The following TXNL4B variants were observed in gnomAD, a reference collection of about 807,000 sequenced individuals.
The protein encoded by TXNL4B is thioredoxin like 4B, also known as thioredoxin-like protein 4B.
Under a neutral mutation model 13.0 loss-of-function variants are expected in TXNL4B, and 12 were observed. The observed-to-expected ratio is 0.92, with a 90% CI of 0.59 to 1.49. The LOEUF (loss-of-function observed/expected upper bound fraction) is 1.49, where lower values mean the gene tolerates loss of function less well. TXNL4B is among the 40% of genes most tolerant of loss of function. The pLI is 0.00. For synonymous variants in TXNL4B, 59 were observed against 58.9 expected (o/e 1.00, Z -0.01); for missense variants, 214 against 173.6 (o/e 1.23, Z -1.31).
rs991190737 is a variant in TXNL4B, at chr16:72,085,167, C to T, written c.*1470G>A. 2.5e-6 allele frequency: 1 copy of T among 396,700 alleles called. No homozygotes were observed. Among genetic ancestry groups the T allele is most frequent in the African/African-American group, 2.1e-5 (1 of 48,714 alleles). 24.6% of individuals were successfully genotyped at this position (396,700 alleles called of 1,614,324 possible). On this transcript the variant is annotated 3_prime_UTR_variant, in exon 4 of 4. Coordinates refer to ENST00000268483, the MANE Select transcript of TXNL4B (RefSeq NM_017853.3). ...GATACAAGCAGTGCCTGGCAGCCTTCCCTCTCTCCTGTATGAGCCAAAAGC... is the reference window on the plus strand; with the variant it reads ...GATACAAGCAGTGCCTGGCAGCCTTTCCTCTCTCCTGTATGAGCCAAAAGC...
intron 1 of TXNL4B, among the ~76,000 whole-genome samples, chr16:72,091,092 A>G (rs192330363): frequency 4.6e-5 from 7 of 152,248 alleles, no homozygotes; most frequent in Non-Finnish European, 1.0e-4. Context: ...CCCACCCCCA[A>G]AAGATAGCCT....
intron 2 of TXNL4B, chr16:72,089,997 G>A: frequency 9.2e-6 from 4 of 434,144 alleles, no homozygotes; most frequent in Admixed American, 2.4e-5. Context: ...TTATGACTGA[G>A]GGTAGAATCC....
chr16:72,088,299 T>C (rs112458034), intron 3 of TXNL4B, among the ~76,000 whole-genome samples: 7 of 152,234 alleles, frequency 4.6e-5, no homozygotes, highest in African/African-American at 1.7e-4. Flanking sequence ...TTCACATACT[T>C]TCAAATAAAG....
chr16:72,087,326 T>TGTG (rs2041837744), intron 3 of TXNL4B: 34 of 141,918 alleles, frequency 2.4e-4, no homozygotes, highest in African/African-American at 8.6e-4. Context: ...CCTTCCAATC[T>TGTG]TGTGTGTGTG....
chr16:72,092,528 C>T (rs1319535287), intron 1 of TXNL4B, among the ~76,000 whole-genome samples: 11 of 152,160 alleles, frequency 7.2e-5, no homozygotes, highest in Admixed American at 7.2e-4. Flanking sequence ...GGGACGTCAT[C>T]AGATGTGAGC....
rs756033973 is a variant in TXNL4B, at chr16:72,090,671, C to T, written c.79G>A (p.Val27Ile). ...TCTTCATCTCTCCCAAACCTGAGAA[C>T]CAACACCTTCTCAGCAGTACTTTTT... ...AIKSTAEKVLVLRFGRDEDPV... is the reference protein window; with the variant it reads ...AIKSTAEKVLILRFGRDEDPV... Residue 27 changes from valine (V) to isoleucine (I), a missense_variant, in exon 2 of 4, where the codon GTT (valine) becomes ATT (isoleucine). Physicochemically the swap from Val to Ile is conservative, Grantham distance 29. Coordinates refer to ENST00000268483, the MANE Select transcript of TXNL4B (RefSeq NM_017853.3). 2 of 1,614,126 alleles carry T rather than the reference C, an allele frequency of 1.2e-6. No homozygotes were observed. Among genetic ancestry groups the T allele is most frequent in the East Asian group, 2.2e-5 (1 of 44,880 alleles).
chr16:72,091,447 G>A (rs572605424), intron 1 of TXNL4B, among the ~76,000 whole-genome samples: 1 of 152,292 alleles, frequency 6.6e-6, no homozygotes, highest in South Asian at 2.1e-4. Context: ...TGTTGAGGCA[G>A]GCAAACCTCC....
chr16:72,089,719 C>T (rs532422427), intron 2 of TXNL4B, among the ~76,000 whole-genome samples: 6 of 152,186 alleles, frequency 3.9e-5, no homozygotes, highest in African/African-American at 9.6e-5. Context: ...ATGAAAACCA[C>T]GATAATTAGT....
At chr16:72,089,421 A>C (rs2041869690) in intron 2 of TXNL4B, among the ~76,000 whole-genome samples, 1 of 152,114 alleles carries the variant, frequency 6.6e-6, no homozygotes, top group Non-Finnish European at 1.5e-5. Context: ...AAACTGTGTG[A>C]GTTTAGGAGG....
upstream of TXNL4B, chr16:72,093,654 C>T (rs937714879): frequency 1.3e-5 from 2 of 152,302 alleles, no homozygotes; most frequent in African/African-American, 4.8e-5. Context: ...CCTTGCTCGG[C>T]TCTGACCGGA....
At chr16:72,094,102 T>C (rs2041968131), upstream of TXNL4B, 1 of 152,486 alleles carries the variant, frequency 6.6e-6, no homozygotes, top group South Asian at 2.1e-4. Flanking sequence ...TCATGGCGGC[T>C]CTAGGCGGCG....
Position 72,086,528 on chromosome 16 carries a change from TCTC to T in TXNL4B, c.*106_*108del, listed in dbSNP as rs879077221. On this transcript the variant is annotated 3_prime_UTR_variant, in exon 4 of 4. Transcript: ENST00000268483. ...TTTTCTACACGCAAGTCAAACCTCTTCTCCTCTGGGACACATGTTTCCAAAGGA... is the reference window on the plus strand; with the variant it reads ...TTTTCTACACGCAAGTCAAACCTCTTCTCTGGGACACATGTTTCCAAAGGA... 2.2e-5 allele frequency: 23 copies of T among 1,067,718 alleles called. No individual in the cohort carries two copies. In the South Asian group the frequency reaches 4.1e-4, roughly 19 times the overall value. 66.1% of individuals were successfully genotyped at this position (1,067,718 alleles called of 1,614,324 possible). A position where few individuals can be genotyped will look rare whatever the true frequency, so the allele number is the denominator to read the frequency against.
Position 72,089,151 on chromosome 16 carries a change from A to G in TXNL4B, c.133-13T>C, listed in dbSNP as rs1265952575. ...AGGTCTTAGAAAGCTGCAAATGACG[A>G]GAGAGACAAAGGTTACAATATGAGA... is the stretch of plus-strand genomic sequence containing the variant. On this transcript the variant is annotated splice_polypyrimidine_tract_variant and intron_variant, in intron 2 of 3. Transcript: ENST00000268483. The G allele has an allele frequency of 6.2e-7, 1 of 1,601,170 alleles. No homozygotes were observed. Among genetic ancestry groups the G allele is most frequent in the African/African-American group, 1.3e-5 (1 of 74,696 alleles).
At chr16:72,094,332 A>T (rs572672503), upstream of TXNL4B, 1 of 152,226 alleles carries the variant, frequency 6.6e-6, no homozygotes, top group East Asian at 1.9e-4. Context: ...CCTCCGCTTT[A>T]ACCCACCCCA....
Position 72,086,549 on chromosome 16 carries a change from C to T in TXNL4B, c.*88G>A. 1 of 1,322,724 alleles carries T rather than the reference C, an allele frequency of 7.6e-7. No individual in the cohort carries two copies. The allele number at this position is 1,322,724 out of a possible 1,614,324, so 81.9% of individuals were successfully genotyped here. ...CTCTTCTCCTCTGGGACACATGTTT[C>T]CAAAGGACTCCAGAAACACAGCACA... is the stretch of plus-strand genomic sequence containing the variant. On this transcript the variant is annotated 3_prime_UTR_variant, in exon 4 of 4. Coordinates refer to ENST00000268483, the MANE Select transcript of TXNL4B (RefSeq NM_017853.3).
In TXNL4B at chr16:72,086,714, T is replaced by G; in HGVS notation, c.373A>C (p.Arg125=). 1 of 1,613,938 alleles carries G rather than the reference T, an allele frequency of 6.2e-7. No individual in the cohort carries two copies. The highest frequency in any genetic ancestry group is 1.3e-5 in the African/African-American group (1 of 75,062). ...GGACTTTGGACAATAAGCTTCCCCC[T>G]CATTGCTCCTCGATAGATTACTTCA... ...LIEVIYRGAM[R]GKLIVQSPID... Residue 125 remains arginine (R), a synonymous_variant, in exon 4 of 4, where the codon AGG becomes CGG. Coordinates refer to ENST00000268483, the MANE Select transcript of TXNL4B (RefSeq NM_017853.3).
intron 1 of TXNL4B, among the ~76,000 whole-genome samples, chr16:72,092,553 C>T (rs1277057912): frequency 6.6e-6 from 1 of 152,090 alleles, no homozygotes; most frequent in African/African-American, 2.4e-5. Flanking sequence ...GAACAAATTA[C>T]CAATGAAAGG....
chr16:72,089,257 G>A, intron 2 of TXNL4B, 119 bp from the exon 3 acceptor site: 1 of 772,256 alleles, frequency 1.3e-6, no homozygotes, highest in Non-Finnish European at 2.1e-6. Context: ...CAACAATGCA[G>A]CCCATGTGGC....
intron 1 of TXNL4B, among the ~76,000 whole-genome samples, chr16:72,092,843 G>A (rs2041934204): frequency 6.6e-6 from 1 of 152,132 alleles, no homozygotes; most frequent in African/African-American, 2.4e-5. Flanking sequence ...GCAAAGAAAA[G>A]CAAATTAAAA....
Sources: allele counts gnomAD v4.1 joint callset (sites outside exome capture counted in the v4.1 genomes callset), GRCh38; gene constraint gnomAD v4.1.1; transcripts MANE v1.5; gene names NCBI Gene and HGNC (gene_info 2026-07-23, HGNC 2026-07-21).